WDTC1: variants seen among roughly 807,000 people sequenced by gnomAD.
WDTC1 encodes the protein WD and tetratricopeptide repeats protein 1.
A neutral mutation model predicts 76.0 loss-of-function variants in WDTC1; 12 were observed. That is an observed-to-expected ratio of 0.16 (90% CI 0.10 to 0.26). The LOEUF (loss-of-function observed/expected upper bound fraction) is 0.26. Among genes scored for constraint, WDTC1 ranks in the 10% least tolerant of loss-of-function variants. The probability of loss-of-function intolerance (pLI) is 1.00; values close to 1 mark genes in which losing one functional copy is unlikely to be tolerated. For synonymous variants in WDTC1, 326 were observed against 350.8 expected (o/e 0.93, Z 0.79); for missense variants, 511 against 908.8 (o/e 0.56, Z 5.63).
intron 3 of WDTC1, among the ~76,000 whole-genome samples, chr1:27,264,351 G>A (rs1174923750): frequency 6.6e-6 from 1 of 152,072 alleles, no homozygotes; most frequent in Non-Finnish European, 1.5e-5. Context: ...CAGCTATTTG[G>A]GAGGCTGAGA....
chr1:27,288,206 G>A (rs1472487898), intron 6 of WDTC1, among the ~76,000 whole-genome samples: 1 of 152,034 alleles, frequency 6.6e-6, no homozygotes, highest in Admixed American at 6.6e-5. Context: ...TTATCCTAAG[G>A]AGATCAGCTT....
intron 1 of WDTC1, among the ~76,000 whole-genome samples, chr1:27,247,160 G>A (rs1201653710): frequency 1.3e-5 from 2 of 151,710 alleles, no homozygotes; most frequent in East Asian, 1.9e-4. Context: ...GGGTTTAAGC[G>A]ATTCTCCTGC....
intron 1 of WDTC1, among the ~76,000 whole-genome samples, chr1:27,237,960 C>G (rs2011528344): frequency 6.6e-6 from 1 of 152,056 alleles, no homozygotes; most frequent in South Asian, 2.1e-4. Context: ...GGGATATGTC[C>G]TAAAAAGTGA....
intron 3 of WDTC1, among the ~76,000 whole-genome samples, chr1:27,273,197 T>G (rs2147948383): frequency 9.7e-6 from 1 of 102,760 alleles, no homozygotes; most frequent in East Asian, 2.9e-4. Context: ...CTAATTTTCT[T>G]TTTCTTTTCT....
At chr1:27,291,656 A>G (rs117207003) in intron 6 of WDTC1, among the ~76,000 whole-genome samples, 1,913 of 152,292 alleles carry the variant, frequency 0.013, 23 homozygotes, top group East Asian at 0.024. Context: ...GCCTTGGCCC[A>G]TGGTATATCT....
At chr1:27,236,697 C>T (rs2011496753) in intron 1 of WDTC1, among the ~76,000 whole-genome samples, 1 of 152,124 alleles carries the variant, frequency 6.6e-6, no homozygotes. Context: ...CACACCTAGA[C>T]TTTAGGATCT....
intron 1 of WDTC1, among the ~76,000 whole-genome samples, chr1:27,256,039 CT>C (rs1379495613): frequency 6.6e-6 from 1 of 152,172 alleles, no homozygotes; most frequent in Non-Finnish European, 1.5e-5. Context: ...CAGAAACCAA[CT>C]CTGGCTGATT....
chr1:27,262,066 A>AC (rs1157289422), intron 2 of WDTC1, among the ~76,000 whole-genome samples: 2 of 151,378 alleles, frequency 1.3e-5, no homozygotes, highest in African/African-American at 4.9e-5. Context: ...AGTAGCTGGG[A>AC]CTACAGGCGC....
Position 27,256,691 on chromosome 1 carries a change from C to T in WDTC1, c.-99-4265C>T, listed in dbSNP as rs1355798370. 2.6e-5 allele frequency among the ~76,000 whole-genome samples: 4 copies of T among 152,092 alleles called. No individual in the cohort carries two copies. In the East Asian group the frequency reaches 7.7e-4, roughly 29 times the overall value. On this transcript the variant is annotated intron_variant, in intron 1 of 15. Transcript: ENST00000319394. ...TCCCTTCCTGCTAGAATGTAAGTACCATGAGCAAGGACATTGCCTGTTTTG... is the reference window on the plus strand; with the variant it reads ...TCCCTTCCTGCTAGAATGTAAGTACTATGAGCAAGGACATTGCCTGTTTTG...
intron 12 of WDTC1, among the ~76,000 whole-genome samples, chr1:27,298,596 T>C (rs2013752237): frequency 6.6e-6 from 1 of 152,190 alleles, no homozygotes; most frequent in African/African-American, 2.4e-5. Flanking sequence ...GTACAAACCA[T>C]ATCCCAGAGA....
At chr1:27,269,223 C>A (rs1362358618) in intron 3 of WDTC1, among the ~76,000 whole-genome samples, 1 of 142,736 alleles carries the variant, frequency 7.0e-6, no homozygotes, top group Non-Finnish European at 1.5e-5. Context: ...TGCCTATAGT[C>A]CCCAGCTACT....
At chr1:27,278,667 C>T (rs1283053633) in intron 3 of WDTC1, among the ~76,000 whole-genome samples, 1 of 152,244 alleles carries the variant, frequency 6.6e-6, no homozygotes, top group East Asian at 1.9e-4. Context: ...TTGGCATTAT[C>T]AGGCCTGTTA....
chr1:27,241,735 C>A (rs577552107), intron 1 of WDTC1, among the ~76,000 whole-genome samples: 3 of 152,102 alleles, frequency 2.0e-5, no homozygotes, highest in Admixed American at 1.3e-4. Flanking sequence ...AATATGCTCC[C>A]TTTTCTCTGT....
At chr1:27,287,301 A>G (rs2013367822) in intron 5 of WDTC1, among the ~76,000 whole-genome samples, 1 of 152,244 alleles carries the variant, frequency 6.6e-6, no homozygotes, top group Admixed American at 6.5e-5. Flanking sequence ...TGTGGGAGTC[A>G]GACAGACTTG....
rs749108073 is a variant in WDTC1 at position 27,297,129 on chromosome 1, G to A, written c.1031G>A (p.Arg344Gln). 5 of 1,612,550 alleles carry A rather than the reference G, an allele frequency of 3.1e-6. No homozygotes were observed. The highest frequency in any genetic ancestry group is 4.2e-6 in the Non-Finnish European group (5 of 1,179,258). ...CTGCACCTTCATAGCAATGGCTTCC[G>A]GCTGCCGGAGAGTAGGGGACATGTC... ...NGLHLHSNGFRLPESRGHVSP... is the reference protein window; with the variant it reads ...NGLHLHSNGFQLPESRGHVSP... Residue 344 changes from arginine (R) to glutamine (Q), a missense_variant, in exon 11 of 16, where the codon CGG becomes CAG. Physicochemically the swap from Arg to Gln is conservative, Grantham distance 43 (BLOSUM62 1). Transcript: ENST00000319394.
chr1:27,280,654 A>AT (rs1263930690), intron 3 of WDTC1, among the ~76,000 whole-genome samples: 2 of 152,296 alleles, frequency 1.3e-5, no homozygotes, highest in African/African-American at 4.8e-5. Context: ...CCTAGTTGGC[A>AT]TTTTTTGTGG....
At chr1:27,283,015 G>C (rs1350456482) in intron 4 of WDTC1, among the ~76,000 whole-genome samples, 1 of 151,720 alleles carries the variant, frequency 6.6e-6, no homozygotes, top group Non-Finnish European at 1.5e-5. Flanking sequence ...GCGGGCGCCT[G>C]TAGTCCCAGC....
chr1:27,260,301 T>G (rs938054400), intron 1 of WDTC1, among the ~76,000 whole-genome samples: 2 of 152,156 alleles, frequency 1.3e-5, no homozygotes, highest in Admixed American at 1.3e-4. Flanking sequence ...GGGACGGGGT[T>G]TCACCATGTT....
intron 3 of WDTC1, among the ~76,000 whole-genome samples, chr1:27,271,601 G>T (rs2147946262): frequency 6.6e-6 from 1 of 151,922 alleles, no homozygotes; most frequent in East Asian, 1.9e-4. Flanking sequence ...ACTAACTCAT[G>T]TAATTTACTT....
Sources: allele counts gnomAD v4.1 joint callset (sites outside exome capture counted in the v4.1 genomes callset), GRCh38; gene constraint gnomAD v4.1.1; transcripts MANE v1.5; gene names NCBI Gene and HGNC (gene_info 2026-07-23, HGNC 2026-07-21).